ZC2HC1B: variants seen among roughly 807,000 people sequenced by gnomAD.
ZC2HC1B encodes zinc finger C2HC domain-containing protein 1B.
In ZC2HC1B, 36 loss-of-function variants were observed where a neutral mutation model predicts 31.0. That is an observed-to-expected ratio of 1.16 (90% CI 0.89 to 1.54). ZC2HC1B has a LOEUF of 1.54. Among genes scored for constraint, ZC2HC1B ranks in the 40% most tolerant of loss-of-function variants. The pLI is 0.00. For missense variants in ZC2HC1B, 260 were observed against 268.6 expected, an observed-to-expected ratio of 0.97 and a Z score of 0.22; for synonymous variants, 73 against 88.0, an observed-to-expected ratio of 0.83 and a Z score of 0.95.
At chr6:143,890,554 C>T (rs1047381072) in intron 4 of ZC2HC1B, among the ~76,000 whole-genome samples, 3 of 152,114 alleles carry the variant, frequency 2.0e-5, no homozygotes, top group Non-Finnish European at 2.9e-5. Context: ...GATATTCATT[C>T]TGACCACTTC....
intron 6 of ZC2HC1B, among the ~76,000 whole-genome samples, chr6:143,920,305 A>G (rs562689132): frequency 6.6e-6 from 1 of 152,314 alleles, no homozygotes; most frequent in Non-Finnish European, 1.5e-5. Context: ...TAAACTTGGA[A>G]AGAGATCGTG....
At chr6:143,914,044 G>C (rs934672562) in intron 6 of ZC2HC1B, among the ~76,000 whole-genome samples, 3 of 152,108 alleles carry the variant, frequency 2.0e-5, no homozygotes, top group Non-Finnish European at 2.9e-5. Context: ...CCAACTTTTG[G>C]TTTTATTGAT....
chr6:143,877,195 T>C (rs951484945), intron 1 of ZC2HC1B, among the ~76,000 whole-genome samples: 1 of 149,850 alleles, frequency 6.7e-6, no homozygotes, highest in South Asian at 2.2e-4. Flanking sequence ...GCCATTTTAC[T>C]TTATTTTCTG....
In ZC2HC1B at chr6:143,885,220, A is replaced by T. The variant is rs1777517419; in HGVS notation, c.91-812A>T. 6.6e-6 allele frequency among the ~76,000 whole-genome samples: 1 copy of T among 152,196 alleles called. No individual in the cohort carries two copies. Among genetic ancestry groups the T allele is most frequent in the South Asian group, 2.1e-4 (1 of 4,828 alleles). On this transcript the variant is annotated intron_variant, in intron 2 of 7. Transcript: ENST00000237275. The surrounding 1 kb of genome is among the most constrained non-coding windows in gnomAD (Gnocchi z 4.2). The stretch of plus-strand genomic sequence containing the variant: ...TTCTGGAGAATTTAAAAAATGAAAT[A>T]GCTGTCTTTTAGTTAACTGTGGTTA...
At chr6:143,909,374 G>T (rs1777833263) in intron 6 of ZC2HC1B, among the ~76,000 whole-genome samples, 1 of 152,006 alleles carries the variant, frequency 6.6e-6, no homozygotes, top group African/African-American at 2.4e-5. Flanking sequence ...TCCAGCCTGG[G>T]TGACAGAGCT....
chr6:143,867,808 T>G lies in ZC2HC1B; in HGVS notation c.28+3241T>G, dbSNP rs545879743. 3.9e-5 allele frequency among the ~76,000 whole-genome samples: 6 copies of G among 152,344 alleles called. No homozygotes were observed. In the South Asian group the frequency reaches 1.2e-3, roughly 32 times the overall value. The stretch of plus-strand genomic sequence containing the variant: ...CTAATCACACACCTCAAACCTCGAC[T>G]GGTTGCTCTTTGGTTGTTGTGCCCA... On this transcript the variant is annotated intron_variant, in intron 1 of 7. Transcript: ENST00000237275.
At chr6:143,932,174 C>T (rs781379135) in intron 6 of ZC2HC1B, among the ~76,000 whole-genome samples, 1 of 152,166 alleles carries the variant, frequency 6.6e-6, no homozygotes, top group Non-Finnish European at 1.5e-5. Flanking sequence ...TGCACCTAGC[C>T]TCTTTGAACT....
rs1397146102 is a variant in ZC2HC1B at position 143,918,058 on chromosome 6, A to G, written c.598+14906A>G. On this transcript the variant is annotated intron_variant, in intron 6 of 7. Coordinates refer to ENST00000237275, the MANE Select transcript of ZC2HC1B (RefSeq NM_001013623.3). This position sits in a 1 kb window ranked among gnomAD's most constrained non-coding sequence, Gnocchi z 4.1. ...ATACAGCTTCAAGTTTCTGTCTAGG[A>G]TCCTCCCACTTCACCTTGCAGGACT... 1.3e-5 allele frequency among the ~76,000 whole-genome samples: 2 copies of G among 152,142 alleles called. No individual in the cohort carries two copies. The highest frequency in any genetic ancestry group is 2.9e-5 in the Non-Finnish European group (2 of 68,012).
intron 1 of ZC2HC1B, among the ~76,000 whole-genome samples, chr6:143,882,340 A>T (rs1368524126): frequency 7.7e-6 from 1 of 130,622 alleles, no homozygotes; most frequent in African/African-American, 3.2e-5. Flanking sequence ...TTTTTTATAT[A>T]TATATATATA....
At chr6:143,889,895 A>C (rs557717824) in intron 4 of ZC2HC1B, among the ~76,000 whole-genome samples, 1 of 152,300 alleles carries the variant, frequency 6.6e-6, no homozygotes, top group African/African-American at 2.4e-5. Flanking sequence ...CAGTCACCTA[A>C]GAGAGACCAT....
intron 4 of ZC2HC1B, among the ~76,000 whole-genome samples, chr6:143,890,109 A>G (rs1267413739): frequency 1.3e-5 from 2 of 152,202 alleles, no homozygotes; most frequent in African/African-American, 4.8e-5. Context: ...TTTTAACTGA[A>G]TGATAATGAA....
chr6:143,873,261 C>T lies in ZC2HC1B; in HGVS notation c.28+8694C>T, dbSNP rs181062614. ...TTGACTCCATGTCTCACATCCAGGT[C>T]ATGCTGATGCAAGAGGTGGGTTCCC... On this transcript the variant is annotated intron_variant, in intron 1 of 7. Coordinates refer to ENST00000237275, the MANE Select transcript of ZC2HC1B (RefSeq NM_001013623.3). 1.0e-3 allele frequency among the ~76,000 whole-genome samples: 159 copies of T among 152,372 alleles called. 1 individual carries two copies. Among genetic ancestry groups the T allele is most frequent in the Non-Finnish European group, 1.7e-3 (119 of 68,036 alleles).
At chr6:143,878,703 C>A (rs1777435320) in intron 1 of ZC2HC1B, among the ~76,000 whole-genome samples, 1 of 136,918 alleles carries the variant, frequency 7.3e-6, no homozygotes. Flanking sequence ...TTGTATTGAT[C>A]CATTAACAAA....
rs1777759090 is a variant in ZC2HC1B at position 143,903,418 on chromosome 6, T to C, written c.598+266T>C. On this transcript the variant is annotated intron_variant, in intron 6 of 7. Coordinates refer to ENST00000237275, the MANE Select transcript of ZC2HC1B (RefSeq NM_001013623.3). This position sits in a 1 kb window ranked among gnomAD's most constrained non-coding sequence, Gnocchi z 4.3. The stretch of plus-strand genomic sequence containing the variant: ...ACCATTGTTCTCCGGTCTAGTAAAA[T>C]TGAAGAGATTGAAAATAGGAGAAGA... Among the ~76,000 whole-genome samples, 1 of 152,160 alleles carries C rather than the reference T, an allele frequency of 6.6e-6. No individual in the cohort carries two copies. Among genetic ancestry groups the C allele is most frequent in the Non-Finnish European group, 1.5e-5 (1 of 68,034 alleles).
chr6:143,899,474 C>T lies in ZC2HC1B; in HGVS notation c.489+783C>T, dbSNP rs1320689217. 6.6e-6 allele frequency among the ~76,000 whole-genome samples: 1 copy of T among 152,152 alleles called. No homozygotes were observed. On this transcript the variant is annotated intron_variant, in intron 5 of 7. Transcript: ENST00000237275. The surrounding 1 kb of genome is among the most constrained non-coding windows in gnomAD (Gnocchi z 5.0). ...CATTGCAGCTTTGACCTCCCAGGTG[C>T]AGGTGATACTCCCACCTCGGCCTCC...
Position 143,867,098 on chromosome 6 carries a change from G to T in ZC2HC1B, c.28+2531G>T, listed in dbSNP as rs144635480. 5.5e-3 allele frequency among the ~76,000 whole-genome samples: 840 copies of T among 152,292 alleles called. 9 individuals carry two copies. The highest frequency in any genetic ancestry group is 0.019 in the African/African-American group (794 of 41,548). On this transcript the variant is annotated intron_variant, in intron 1 of 7. Coordinates refer to ENST00000237275, the MANE Select transcript of ZC2HC1B (RefSeq NM_001013623.3). The stretch of plus-strand genomic sequence containing the variant: ...AAAAAGTTACTTTCAGGCTGTGTGT[G>T]TAAGGTGACATACGAAATAAAGTGT...
chr6:143,886,256 A>AC lies in ZC2HC1B; in HGVS notation c.210+105_210+106insC. On this transcript the variant is annotated intron_variant, in intron 3 of 7. Transcript: ENST00000237275. This position sits in a 1 kb window ranked among gnomAD's most constrained non-coding sequence, Gnocchi z 4.2. ...TTTTTGCTTGATAATACAGTAATGT[A>AC]ATGTAACTGTAATCCACCTTTACTT... 1.7e-6 allele frequency: 2 copies of AC among 1,197,100 alleles called. No individual in the cohort carries two copies. Among genetic ancestry groups the AC allele is most frequent in the Non-Finnish European group, 2.2e-6 (2 of 926,282 alleles). The allele number at this position is 1,197,100 out of a possible 1,614,324, so 74.2% of individuals were successfully genotyped here. A position where few individuals can be genotyped will look rare whatever the true frequency, so the allele number is the denominator to read the frequency against.
intron 6 of ZC2HC1B, among the ~76,000 whole-genome samples, chr6:143,914,464 A>G (rs1350703505): frequency 6.6e-6 from 1 of 152,194 alleles, no homozygotes; most frequent in Non-Finnish European, 1.5e-5. Flanking sequence ...TTTTAAATTT[A>G]CTGAGACTTA....
At chr6:143,904,633 T>G (rs535568786) in intron 6 of ZC2HC1B, among the ~76,000 whole-genome samples, 112 of 152,346 alleles carry the variant, frequency 7.4e-4, no homozygotes, top group African/African-American at 2.6e-3. Flanking sequence ...TTTCTTTGGT[T>G]GCCTCTGGTG....
Sources: allele counts gnomAD v4.1 joint callset (sites outside exome capture counted in the v4.1 genomes callset), GRCh38; gene constraint gnomAD v4.1.1; non-coding constraint Gnocchi (gnomAD v3.1); transcripts MANE v1.5; gene names NCBI Gene and HGNC (gene_info 2026-07-23, HGNC 2026-07-21).